Variants in FBXO47 observed in about 807,000 individuals in gnomAD.
The protein encoded by FBXO47 is F-box protein 47, also known as F-box only protein 47.
Under a neutral mutation model 53.9 loss-of-function variants are expected in FBXO47, and 34 were observed. That is an observed-to-expected ratio of 0.63 (90% CI 0.48 to 0.84). The LOEUF (loss-of-function observed/expected upper bound fraction) is 0.84. FBXO47 is among the 40% of genes least tolerant of loss of function. FBXO47 has a pLI of 0.00. For missense variants in FBXO47, 485 were observed against 541.3 expected, an observed-to-expected ratio of 0.90 and a Z score of 1.03; for synonymous variants, 165 against 181.6, an observed-to-expected ratio of 0.91 and a Z score of 0.73.
At chr17:38,957,775 A>G (rs1417889910) in intron 3 of FBXO47, among the ~76,000 whole-genome samples, 1 of 146,780 alleles carries the variant, frequency 6.8e-6, no homozygotes, top group African/African-American at 2.5e-5. Flanking sequence ...ATCATGGCTC[A>G]CTGCAGTCTC....
intron 6 of FBXO47, among the ~76,000 whole-genome samples, chr17:38,947,041 A>AAC (rs1329452904): frequency 7.5e-6 from 1 of 133,180 alleles, no homozygotes; most frequent in Non-Finnish European, 1.5e-5. Flanking sequence ...AATATATGTA[A>AAC]ATATATAAAA....
chr17:38,938,046 A>G (rs560330071), intron 10 of FBXO47, among the ~76,000 whole-genome samples: 1 of 152,312 alleles, frequency 6.6e-6, no homozygotes, highest in East Asian at 1.9e-4. Flanking sequence ...TCATGGAATT[A>G]TATAAGAAAA....
chr17:38,942,573 A>G (rs1281836072), intron 9 of FBXO47, among the ~76,000 whole-genome samples: 1 of 152,188 alleles, frequency 6.6e-6, no homozygotes, highest in Non-Finnish European at 1.5e-5. Context: ...CAGCCTGGAC[A>G]AAAGAGTGAG....
rs1905825817 is a variant in FBXO47, at chr17:38,961,828, T to C, written c.352+49A>G. The C allele has an allele frequency of 2.0e-6, 3 of 1,514,682 alleles. No homozygotes were observed. The South Asian group carries it at 3.6e-5, about 18-fold the overall frequency. 93.8% of individuals were successfully genotyped at this position (1,514,682 alleles called of 1,614,324 possible). On this transcript the variant is annotated intron_variant, in intron 3 of 10. Transcript: ENST00000378079. ...ACAGAATTGTATACTAAGTTTCTCT[T>C]AATTAAGCACAGTTCTTTACTTGTT... is the stretch of plus-strand genomic sequence containing the variant.
chr17:38,961,283 A>G (rs17730990), intron 3 of FBXO47, among the ~76,000 whole-genome samples: 2,029 of 152,330 alleles, frequency 0.013, 20 homozygotes, highest in Non-Finnish European at 0.022. Flanking sequence ...GGTGTTATTA[A>G]GTCAAGTCAA....
chr17:38,955,009 T>C, intron 4 of FBXO47, 76 bp from the exon 5 acceptor site: 1 of 1,133,248 alleles, frequency 8.8e-7, no homozygotes, highest in Non-Finnish European at 1.3e-6. Flanking sequence ...TGGTTTGACA[T>C]TCAAATTTAA....
At chr17:38,938,039 T>C (rs1249104626) in intron 10 of FBXO47, among the ~76,000 whole-genome samples, 1 of 152,170 alleles carries the variant, frequency 6.6e-6, no homozygotes, top group Non-Finnish European at 1.5e-5. Context: ...ACTGAAATCA[T>C]GGAATTATAT....
chr17:38,960,793 G>A (rs866422635), intron 3 of FBXO47, among the ~76,000 whole-genome samples: 26 of 151,802 alleles, frequency 1.7e-4, no homozygotes, highest in Admixed American at 6.6e-4. Context: ...CACCATGCCC[G>A]GCTAATTTTT....
rs1375966642 is a variant in FBXO47 at position 38,957,063 on chromosome 17, T to TTTTTTATTATGAA, written c.429+113_429+114insTTCATAATAAAAA. 18 of 626,296 alleles carry TTTTTTATTATGAA rather than the reference T, an allele frequency of 2.9e-5. No individual in the cohort carries two copies. The Admixed American group carries it at 4.6e-4, about 16-fold the overall frequency. The allele number at this position is 626,296 out of a possible 1,614,324, so 38.8% of individuals were successfully genotyped here. ...GTATTAGATTATAATAAATCAATTT[T>TTTTTTATTATGAA]TTAGTGCTAATTCATGAAATTCTAC... On this transcript the variant is annotated intron_variant, in intron 4 of 10. Coordinates refer to ENST00000378079, the MANE Select transcript of FBXO47 (RefSeq NM_001008777.3).
rs566502183 is a variant in FBXO47 at position 38,938,509 on chromosome 17, G to GT, written c.1243+63dup. Reference sequence around the variant, plus strand: ...TGGACTGTTAGAGAAAAATATCTCTGTTTTAGGTGGAGACTAGAGCGCATT... The same window carrying GT: ...TGGACTGTTAGAGAAAAATATCTCTGTTTTTAGGTGGAGACTAGAGCGCATT... On this transcript the variant is annotated intron_variant, in intron 10 of 10. Transcript: ENST00000378079. 7.1e-4 allele frequency: 817 copies of GT among 1,145,234 alleles called. 2 individuals are homozygous for GT. The Middle Eastern group carries it at 9.5e-3, about 13-fold the overall frequency. The allele number at this position is 1,145,234 out of a possible 1,614,324, so 70.9% of individuals were successfully genotyped here.
intron 6 of FBXO47, among the ~76,000 whole-genome samples, chr17:38,946,897 C>T (rs1195921198): frequency 1.0e-5 from 1 of 97,924 alleles, no homozygotes; most frequent in Non-Finnish European, 1.9e-5. Flanking sequence ...TATATATAAA[C>T]ATATATAAAT....
chr17:38,943,186 C>T (rs1291335956), intron 8 of FBXO47, among the ~76,000 whole-genome samples: 1 of 152,194 alleles, frequency 6.6e-6, no homozygotes, highest in African/African-American at 2.4e-5. Flanking sequence ...TGTTCTAATC[C>T]TGTGCAAGGA....
intron 9 of FBXO47, among the ~76,000 whole-genome samples, chr17:38,942,530 G>A (rs898475033): frequency 5.9e-5 from 9 of 152,166 alleles, no homozygotes; most frequent in African/African-American, 1.9e-4. Flanking sequence ...GGAGGTGGAA[G>A]TTGCGGTGAG....
chr17:38,957,822 C>A (rs1905629269), intron 3 of FBXO47, among the ~76,000 whole-genome samples: 1 of 151,642 alleles, frequency 6.6e-6, no homozygotes, highest in African/African-American at 2.4e-5. Context: ...TGTGTGCCAC[C>A]AAGCCCAGCT....
At position 38,954,903 on chromosome 17, in the gene FBXO47, C is replaced by G; in HGVS notation, c.460G>C (p.Ala154Pro). 1 of 1,611,176 alleles carries G rather than the reference C, an allele frequency of 6.2e-7. No homozygotes were observed. The highest frequency in any genetic ancestry group is 1.1e-5 in the South Asian group (1 of 90,416). The change falls in exon 5 of 11, where the codon GCT (alanine) becomes CCT (proline). Residue 154 changes from alanine to proline, a missense_variant. Coordinates refer to ENST00000378079, the MANE Select transcript of FBXO47 (RefSeq NM_001008777.3). The part of the protein sequence containing the change: ...VSCFKFNGCA[A>P]PMQCLGLTCY... Reference sequence around the variant, plus strand: ...GTTAATCCTAAACACTGCATAGGAGCTGCACAGCCATTGAATTTAAAGCAG... The same window carrying G: ...GTTAATCCTAAACACTGCATAGGAGGTGCACAGCCATTGAATTTAAAGCAG...
At chr17:38,958,709 CATATT>C (rs1414136874) in intron 3 of FBXO47, among the ~76,000 whole-genome samples, 4 of 152,052 alleles carry the variant, frequency 2.6e-5, no homozygotes, top group Non-Finnish European at 5.9e-5. Context: ...TACTTTTTTA[CATATT>C]ATAATTACTT....
intron 6 of FBXO47, among the ~76,000 whole-genome samples, chr17:38,946,813 T>C (rs1481083832): frequency 3.7e-5 from 3 of 80,244 alleles, no homozygotes; most frequent in Admixed American, 1.7e-4. Flanking sequence ...TATAAACATA[T>C]ATAAATATAT....
At position 38,944,848 on chromosome 17, in the gene FBXO47, A is replaced by ATGCGTGTGTGTGTGTGTGTGTGTGTG. The variant is rs150367922; in HGVS notation, c.793+111_793+112insCACACACACACACACACACACACGCA. ...ATCGCACCACTGTGTGCGTGCATGC[A>ATGCGTGTGTGTGTGTGTGTGTGTGTG]TGTGTGTGTGTGTGTGTGTGTGTAT... On this transcript the variant is annotated intron_variant, in intron 7 of 10. Transcript: ENST00000378079. 3.5e-4 allele frequency: 213 copies of ATGCGTGTGTGTGTGTGTGTGTGTGTG among 616,890 alleles called. 1 individual carries two copies. Among genetic ancestry groups the ATGCGTGTGTGTGTGTGTGTGTGTGTG allele is most frequent in the East Asian group, 1.0e-4 (3 of 29,254 alleles). 38.2% of individuals were successfully genotyped at this position (616,890 alleles called of 1,614,324 possible). A position where few individuals can be genotyped will look rare whatever the true frequency, so the allele number is the denominator to read the frequency against.
rs180680015 is a variant in FBXO47 at position 38,952,573 on chromosome 17, C to T, written c.508-884G>A. Reference sequence around the variant, plus strand: ...CTATGTTGCCCAGGCTGGAATGCAACGGAGATAACTTTTTTATTTGTTTGT... The same window carrying T: ...CTATGTTGCCCAGGCTGGAATGCAATGGAGATAACTTTTTTATTTGTTTGT... On this transcript the variant is annotated intron_variant, in intron 5 of 10. Transcript: ENST00000378079. 3.0e-4 allele frequency among the ~76,000 whole-genome samples: 46 copies of T among 151,150 alleles called. No individual in the cohort carries two copies. In the East Asian group the frequency reaches 4.5e-3, roughly 15 times the overall value.
Sources: allele counts gnomAD v4.1 joint callset (sites outside exome capture counted in the v4.1 genomes callset), GRCh38; gene constraint gnomAD v4.1.1; transcripts MANE v1.5; gene names NCBI Gene and HGNC (gene_info 2026-07-23, HGNC 2026-07-21).